The following SNTG1 variants were observed in gnomAD, a reference collection of about 807,000 sequenced individuals.
SNTG1 encodes gamma-1-syntrophin.
SNTG1 carries 39 observed loss-of-function variants against 74.7 expected under a neutral mutation model. That is an observed-to-expected ratio of 0.52 (90% CI 0.40 to 0.68). SNTG1 has a LOEUF of 0.68. Among genes scored for constraint, SNTG1 ranks in the 30% least tolerant of loss-of-function variants. SNTG1 has a pLI of 0.00. For missense variants in SNTG1, 685 were observed against 609.5 expected (o/e 1.12, Z -1.30); for synonymous variants, 254 against 217.1 (o/e 1.17, Z -1.49).
chr8:50,221,252 T>C (rs1327813605), intron 2 of SNTG1, among the ~76,000 whole-genome samples: 1 of 152,048 alleles, frequency 6.6e-6, no homozygotes, highest in African/African-American at 2.4e-5. Flanking sequence ...CAGAGAGAAA[T>C]GTATAGCCTT....
intron 2 of SNTG1, among the ~76,000 whole-genome samples, chr8:50,281,500 C>G (rs1024741198): frequency 6.6e-6 from 1 of 152,174 alleles, no homozygotes; most frequent in Non-Finnish European, 1.5e-5. Flanking sequence ...TCACCTTCAG[C>G]TTGCAGGGCT....
At chr8:50,588,129 A>T (rs1299026143) in intron 12 of SNTG1, among the ~76,000 whole-genome samples, 1 of 152,044 alleles carries the variant, frequency 6.6e-6, no homozygotes, top group Non-Finnish European at 1.5e-5. Flanking sequence ...CAAAAAAAAA[A>T]AAAATTGAAG....
At chr8:50,317,842 GTT>G (rs2090369259) in intron 2 of SNTG1, among the ~76,000 whole-genome samples, 1 of 151,290 alleles carries the variant, frequency 6.6e-6, no homozygotes, top group Non-Finnish European at 1.5e-5. Flanking sequence ...TTGTTTTTTT[GTT>G]TGTTTGTTTT....
intron 9 of SNTG1, among the ~76,000 whole-genome samples, chr8:50,512,851 A>G (rs1288882398): frequency 6.6e-6 from 1 of 151,998 alleles, no homozygotes; most frequent in Non-Finnish European, 1.5e-5. Context: ...CTTCTTTGCC[A>G]TGGGTTCGAA....
intron 15 of SNTG1, among the ~76,000 whole-genome samples, chr8:50,659,655 G>T (rs1295559247): frequency 6.6e-6 from 1 of 152,158 alleles, no homozygotes; most frequent in Non-Finnish European, 1.5e-5. Flanking sequence ...TTCATTGATT[G>T]CTCATCACTG....
intron 17 of SNTG1, among the ~76,000 whole-genome samples, chr8:50,736,033 C>T (rs955724424): frequency 2.0e-5 from 3 of 151,902 alleles, no homozygotes; most frequent in East Asian, 1.9e-4. Context: ...GCTTCATACC[C>T]AAAGGAGAAA....
At chr8:50,194,917 T>A (rs2083707144) in intron 2 of SNTG1, among the ~76,000 whole-genome samples, 1 of 152,096 alleles carries the variant, frequency 6.6e-6, no homozygotes, top group Non-Finnish European at 1.5e-5. Context: ...CTTGATTTTG[T>A]TTTTGACCCA....
At chr8:50,336,827 T>C (rs2091159508) in intron 2 of SNTG1, among the ~76,000 whole-genome samples, 1 of 152,202 alleles carries the variant, frequency 6.6e-6, no homozygotes. Context: ...CACTGAACAG[T>C]GAAATAACTC....
chr8:50,536,503 A>T (rs995619325), intron 10 of SNTG1, among the ~76,000 whole-genome samples, 175 bp from the exon 11 acceptor site: 1 of 152,230 alleles, frequency 6.6e-6, no homozygotes, highest in Non-Finnish European at 1.5e-5. Context: ...GTTAATAAAT[A>T]AGTTAACCAA....
At chr8:49,984,740 T>A (rs1813003041) in intron 1 of SNTG1, among the ~76,000 whole-genome samples, 1 of 152,166 alleles carries the variant, frequency 6.6e-6, no homozygotes, top group African/African-American at 2.4e-5. Context: ...AGGAAGAGAA[T>A]CAGCATGCTA....
At chr8:50,670,195 G>A (rs1170255797) in intron 15 of SNTG1, among the ~76,000 whole-genome samples, 6 of 152,042 alleles carry the variant, frequency 3.9e-5, no homozygotes, top group South Asian at 2.1e-4. Flanking sequence ...TGGCCAGGGC[G>A]ATTAAGCAGG....
intron 2 of SNTG1, among the ~76,000 whole-genome samples, chr8:50,190,119 T>C (rs1446974914): frequency 6.6e-6 from 1 of 152,172 alleles, no homozygotes; most frequent in Non-Finnish European, 1.5e-5. Flanking sequence ...GGTTATCTAC[T>C]AGGCACTGGA....
At chr8:50,626,365 T>C (rs1336644465) in intron 13 of SNTG1, among the ~76,000 whole-genome samples, 1 of 152,128 alleles carries the variant, frequency 6.6e-6, no homozygotes, top group African/African-American at 2.4e-5. Context: ...TATTGGACTG[T>C]CCCAAGACCA....
At chr8:50,728,938 G>A (rs918355456) in intron 17 of SNTG1, among the ~76,000 whole-genome samples, 13 of 152,176 alleles carry the variant, frequency 8.5e-5, no homozygotes, top group African/African-American at 4.8e-5. Context: ...TGTGCAGTGG[G>A]GAGCATTTTC....
chr8:50,754,907 T>C (rs2095576478), intron 18 of SNTG1, among the ~76,000 whole-genome samples: 1 of 151,918 alleles, frequency 6.6e-6, no homozygotes, highest in South Asian at 2.1e-4. Context: ...TCTTTCTCTT[T>C]GACAAATGGA....
At chr8:50,004,667 T>C (rs1815046551) in intron 1 of SNTG1, among the ~76,000 whole-genome samples, 1 of 152,210 alleles carries the variant, frequency 6.6e-6, no homozygotes, top group African/African-American at 2.4e-5. Context: ...GATTGGCACG[T>C]GAACCAATGT....
At chr8:50,676,253 C>G (rs1032803740) in intron 15 of SNTG1, among the ~76,000 whole-genome samples, 2 of 152,016 alleles carry the variant, frequency 1.3e-5, no homozygotes, top group African/African-American at 4.8e-5. Context: ...TTCTCCCTGT[C>G]TCCTTCAGGT....
At chr8:50,324,822 C>G (rs1446845783) in intron 2 of SNTG1, among the ~76,000 whole-genome samples, 1 of 151,460 alleles carries the variant, frequency 6.6e-6, no homozygotes, top group Non-Finnish European at 1.5e-5. Flanking sequence ...AAAGTCATCA[C>G]CAAATGTAAG....
At chr8:50,557,261 C>T (rs1326429419) in intron 12 of SNTG1, among the ~76,000 whole-genome samples, 1 of 151,336 alleles carries the variant, frequency 6.6e-6, no homozygotes, top group Non-Finnish European at 1.5e-5. Flanking sequence ...CCAGCTATGC[C>T]ACATGTGGAC....
Sources: allele counts gnomAD v4.1 joint callset (sites outside exome capture counted in the v4.1 genomes callset), GRCh38; gene constraint gnomAD v4.1.1; transcripts MANE v1.5; gene names NCBI Gene and HGNC (gene_info 2026-07-23, HGNC 2026-07-21).